Variants in SGCD observed in about 807,000 individuals in gnomAD.
The protein encoded by SGCD is sarcoglycan delta.
SGCD carries 18 observed loss-of-function variants against 36.6 expected under a neutral mutation model. The observed-to-expected ratio is 0.49, with a 90% CI of 0.34 to 0.73. The LOEUF is 0.73. Among genes scored for constraint, SGCD ranks in the 30% least tolerant of loss-of-function variants. The pLI, the probability that SGCD is intolerant of heterozygous loss-of-function variation, is 0.01. For missense variants in SGCD, 387 were observed against 346.7 expected (o/e 1.12, Z -0.92); for synonymous variants, 133 against 130.6 (o/e 1.02, Z -0.12).
At chr5:156,608,869 C>T (rs1761626697) in intron 6 of SGCD, among the ~76,000 whole-genome samples, 2 of 151,874 alleles carry the variant, frequency 1.3e-5, no homozygotes, top group Non-Finnish European at 2.9e-5. Flanking sequence ...ATTGCAACCC[C>T]TGCCTTTTTT....
At chr5:156,726,706 G>A (rs1178928160) in intron 7 of SGCD, among the ~76,000 whole-genome samples, 1 of 152,120 alleles carries the variant, frequency 6.6e-6, no homozygotes, top group Non-Finnish European at 1.5e-5. Flanking sequence ...GCCGCGCCAG[G>A]CCCAGCTCAG....
intron 2 of SGCD, among the ~76,000 whole-genome samples, chr5:156,119,095 C>A (rs953865852): frequency 6.6e-6 from 1 of 152,114 alleles, no homozygotes; most frequent in East Asian, 1.9e-4. Flanking sequence ...GTAGTGGGAC[C>A]AACTCTAGGC....
At chr5:156,497,031 T>C (rs1756223997) in intron 3 of SGCD, among the ~76,000 whole-genome samples, 1 of 152,170 alleles carries the variant, frequency 6.6e-6, no homozygotes, top group Admixed American at 6.5e-5. Flanking sequence ...TAAATGTTCA[T>C]ATGAAGAGCA....
chr5:156,177,790 G>C lies in SGCD; in HGVS notation c.-44+53771G>C, dbSNP rs977133477. On this transcript the variant is annotated intron_variant, in intron 3 of 9. Coordinates refer to the SGCD transcript ENST00000517913. Reference sequence around the variant, plus strand: ...CAGGGATCTAATTTTTGTTGCTGTAGACTTGTTAGGTAGGGTAGTCTTAAA... The same window carrying C: ...CAGGGATCTAATTTTTGTTGCTGTACACTTGTTAGGTAGGGTAGTCTTAAA... Among the ~76,000 whole-genome samples, 10 of 152,112 alleles carry C rather than the reference G, an allele frequency of 6.6e-5. No individual in the cohort carries two copies. The East Asian group carries it at 1.7e-3, about 26-fold the overall frequency.
chr5:156,339,199 T>C (rs1768516213), intron 2 of SGCD, among the ~76,000 whole-genome samples: 1 of 152,330 alleles, frequency 6.6e-6, no homozygotes, highest in South Asian at 2.1e-4. Flanking sequence ...TCCCATCTAA[T>C]GGCAAAACAA....
intron 3 of SGCD, among the ~76,000 whole-genome samples, chr5:156,367,237 TG>T (rs2127736468): frequency 6.6e-6 from 1 of 152,192 alleles, no homozygotes; most frequent in East Asian, 1.9e-4. Context: ...TCCACAAAGG[TG>T]AGAAAGGGGT....
intron 7 of SGCD, among the ~76,000 whole-genome samples, chr5:156,748,939 A>G (rs1402430222): frequency 6.6e-6 from 1 of 151,724 alleles, no homozygotes; most frequent in Non-Finnish European, 1.5e-5. Context: ...TAATTTTTGT[A>G]TTTTCAGTAG....
intron 3 of SGCD, among the ~76,000 whole-genome samples, chr5:156,272,239 T>G (rs2127670188): frequency 6.6e-6 from 1 of 152,294 alleles, no homozygotes. Flanking sequence ...TCCTCATAGC[T>G]TAGCTCCCAC....
At chr5:156,191,937 A>G (rs2127632858) in intron 3 of SGCD, among the ~76,000 whole-genome samples, 1 of 152,306 alleles carries the variant, frequency 6.6e-6, no homozygotes, top group South Asian at 2.1e-4. Flanking sequence ...AAAAACAAAA[A>G]CAAAACCTTA....
intron 1 of SGCD, among the ~76,000 whole-genome samples, chr5:155,922,710 A>G (rs1388826327): frequency 6.6e-6 from 1 of 152,022 alleles, no homozygotes; most frequent in African/African-American, 2.4e-5. Context: ...AGCTCTGGGG[A>G]TGCTTATTTC....
At chr5:155,794,872 C>G in the SGCD span, among the ~76,000 whole-genome samples, 2 of 152,006 alleles carry the variant, frequency 1.3e-5, no homozygotes, top group Non-Finnish European at 2.9e-5. Flanking sequence ...AAACTTAGCA[C>G]ATCATAGTAA....
intron 3 of SGCD, among the ~76,000 whole-genome samples, chr5:156,184,318 C>T (rs941384754): frequency 6.7e-6 from 1 of 149,902 alleles, no homozygotes; most frequent in African/African-American, 2.5e-5. Context: ...ACTAAAAGAA[C>T]TGAAAATGTT....
At chr5:156,465,065 A>G (rs1340829687) in intron 3 of SGCD, among the ~76,000 whole-genome samples, 1 of 152,012 alleles carries the variant, frequency 6.6e-6, no homozygotes, top group African/African-American at 2.4e-5. Flanking sequence ...GTTACTGGAC[A>G]CTCATCCACA....
intron 7 of SGCD, among the ~76,000 whole-genome samples, chr5:156,735,652 A>C (rs1185075109): frequency 6.6e-6 from 1 of 152,176 alleles, no homozygotes; most frequent in Non-Finnish European, 1.5e-5. Context: ...GGTAGGTGCA[A>C]CACTGCTACT....
intron 1 of SGCD, among the ~76,000 whole-genome samples, chr5:156,010,870 A>G (rs1218309199): frequency 6.6e-6 from 1 of 152,192 alleles, no homozygotes; most frequent in African/African-American, 2.4e-5. Flanking sequence ...CCTACTACTC[A>G]TTACTGCCTT....
intron 6 of SGCD, among the ~76,000 whole-genome samples, chr5:156,630,528 A>G (rs1248163803): frequency 1.3e-5 from 2 of 152,194 alleles, no homozygotes; most frequent in Non-Finnish European, 2.9e-5. Context: ...TTTTACAATA[A>G]CCTATGAGGT....
the SGCD span, among the ~76,000 whole-genome samples, chr5:155,805,911 G>A: frequency 6.6e-6 from 1 of 152,130 alleles, no homozygotes; most frequent in South Asian, 2.1e-4. Context: ...ATGCCAGGTG[G>A]GAAACAAACC....
At chr5:156,136,910 T>C (rs775101105) in intron 3 of SGCD, among the ~76,000 whole-genome samples, 38 of 152,142 alleles carry the variant, frequency 2.5e-4, no homozygotes, top group Non-Finnish European at 5.3e-4. Flanking sequence ...GAAAAAAATA[T>C]AATTTTGTAT....
intron 1 of SGCD, among the ~76,000 whole-genome samples, chr5:156,115,480 T>C (rs1191080771): frequency 6.6e-6 from 1 of 152,062 alleles, no homozygotes; most frequent in East Asian, 1.9e-4. Context: ...TTCCCACCCA[T>C]AGTAACACTT....
Sources: gnomAD v4.1 joint callset for allele counts (sites outside exome capture counted in the v4.1 genomes callset) on GRCh38, gnomAD v4.1.1 for gene constraint, MANE v1.5 for transcripts, NCBI Gene and HGNC (gene_info 2026-07-23, HGNC 2026-07-21) for gene names.